Variants in TLE3 observed in about 807,000 individuals in gnomAD.
The protein encoded by TLE3 is transducin-like enhancer protein 3.
A neutral mutation model predicts 93.0 loss-of-function variants in TLE3; 14 were observed. The observed-to-expected ratio is 0.15, with a 90% CI of 0.10 to 0.24. TLE3 has a LOEUF of 0.24. Among genes scored for constraint, TLE3 ranks in the 10% least tolerant of loss-of-function variants. The pLI, the probability that TLE3 is intolerant of heterozygous loss-of-function variation, is 1.00. For synonymous variants in TLE3, 451 were observed against 425.0 expected (o/e 1.06, Z -0.75); for missense variants, 693 against 1,046.6 (o/e 0.66, Z 4.66).
intron 4 of TLE3, among the ~76,000 whole-genome samples, chr15:70,085,639 G>A (rs1327164836): frequency 1.3e-5 from 2 of 152,242 alleles, no homozygotes; most frequent in African/African-American, 2.4e-5. Context: ...TGCAGACCAG[G>A]CCTGTGGGTG....
intron 4 of TLE3, among the ~76,000 whole-genome samples, chr15:70,083,640 G>C (rs1435609240): frequency 6.8e-6 from 1 of 148,064 alleles, no homozygotes; most frequent in Non-Finnish European, 1.5e-5. Context: ...TCATCCCTGT[G>C]GGGTTGCCAT....
intron 8 of TLE3, chr15:70,060,866 TC>T (rs1378731992): frequency 6.3e-6 from 4 of 635,656 alleles, no homozygotes; most frequent in Non-Finnish European, 1.1e-5. Flanking sequence ...CCTGGGCGCA[TC>T]CCCAATTCTC....
At chr15:70,095,132 G>A (rs930996667) in intron 3 of TLE3, among the ~76,000 whole-genome samples, 2 of 152,304 alleles carry the variant, frequency 1.3e-5, no homozygotes, top group African/African-American at 4.8e-5. Flanking sequence ...TGGGGAAGGA[G>A]GGCTTCTGTC....
At chr15:70,091,564 G>A (rs2058309297) in intron 4 of TLE3, among the ~76,000 whole-genome samples, 1 of 152,196 alleles carries the variant, frequency 6.6e-6, no homozygotes, top group African/African-American at 2.4e-5. Context: ...CCAGGCCTGT[G>A]ATTCTGTAAT....
chr15:70,081,562 G>C (rs1191690152), intron 4 of TLE3, among the ~76,000 whole-genome samples: 1 of 152,236 alleles, frequency 6.6e-6, no homozygotes, highest in Non-Finnish European at 1.5e-5. Flanking sequence ...TGATTCAAAA[G>C]GGAAGACTGG....
chr15:70,072,683 G>A (rs79326655), intron 6 of TLE3, among the ~76,000 whole-genome samples: 1 of 152,164 alleles, frequency 6.6e-6, no homozygotes, highest in Non-Finnish European at 1.5e-5. Flanking sequence ...CAAGGGCATT[G>A]AGCTAGATCA....
Position 70,065,994 on chromosome 15 carries a change from CTG to C in TLE3, c.577+18_577+19del. 1.9e-6 allele frequency: 3 copies of C among 1,550,502 alleles called. No homozygotes were observed. Among genetic ancestry groups the C allele is most frequent in the Non-Finnish European group, 1.8e-6 (2 of 1,126,704 alleles). ...GCCCACCCCTGCCCCGCCCCACCCT[CTG>C]CCCCAGCCCAGCCGCACCTCTGTGA... On this transcript the variant is annotated intron_variant, in intron 7 of 19. Transcript: ENST00000451782.
chr15:70,053,157 C>A (rs746410082), intron 17 of TLE3, 70 bp downstream of exon 17: 19 of 1,533,148 alleles, frequency 1.2e-5, no homozygotes, highest in Non-Finnish European at 1.7e-5. Flanking sequence ...TGTCCCTGAC[C>A]CAGCCACTGG....
intron 5 of TLE3, among the ~76,000 whole-genome samples, chr15:70,075,176 T>G (rs1387394557): frequency 6.6e-6 from 1 of 152,202 alleles, no homozygotes; most frequent in African/African-American, 2.4e-5. Flanking sequence ...AGTGGTAAAA[T>G]GAACCCTAAT....
chr15:70,091,367 C>T (rs1378071361), intron 4 of TLE3, among the ~76,000 whole-genome samples: 1 of 152,236 alleles, frequency 6.6e-6, no homozygotes, highest in African/African-American at 2.4e-5. Context: ...GGCAATTGCT[C>T]TGGGGCCCCT....
At chr15:70,085,574 G>C (rs1186335806) in intron 4 of TLE3, among the ~76,000 whole-genome samples, 3 of 152,194 alleles carry the variant, frequency 2.0e-5, no homozygotes, top group African/African-American at 4.8e-5. Flanking sequence ...TAAAAGAATA[G>C]TGAGAAAACC....
intron 3 of TLE3, chr15:70,095,320 C>G (rs2058499782): frequency 7.2e-7 from 1 of 1,384,324 alleles, no homozygotes. Flanking sequence ...AAATTAAAGG[C>G]ACATAAAGAT....
Position 70,080,299 on chromosome 15 carries a change from G to A in TLE3, c.235-4141C>T, listed in dbSNP as rs528627371. Among the ~76,000 whole-genome samples the A allele has an allele frequency of 1.1e-4, 17 of 152,310 alleles. No homozygotes were observed. In the South Asian group the frequency reaches 3.1e-3, roughly 28 times the overall value. On this transcript the variant is annotated intron_variant, in intron 4 of 19. Coordinates refer to ENST00000451782, the MANE Select transcript of TLE3 (RefSeq NM_001105192.3). ...GCGAATCTGAGAGGTGGTGGGAGGT[G>A]GGAAGATGGCTCCCTTTGGAAAGCA...
intron 4 of TLE3, among the ~76,000 whole-genome samples, chr15:70,084,581 T>A (rs1026555889): frequency 6.6e-6 from 1 of 152,180 alleles, no homozygotes; most frequent in East Asian, 1.9e-4. Context: ...CATCTTGATA[T>A]AGCCTATGGA....
chr15:70,059,856 C>T (rs572060247), intron 9 of TLE3, among the ~76,000 whole-genome samples: 2 of 152,232 alleles, frequency 1.3e-5, no homozygotes, highest in African/African-American at 4.8e-5. Context: ...GTCATTCCCA[C>T]CCATCTGTGT....
Position 70,049,193 on chromosome 15 carries a change from C to T in TLE3, c.*904G>A, listed in dbSNP as rs946319807. 2 of 152,278 alleles carry T rather than the reference C, an allele frequency of 1.3e-5. No individual in the cohort carries two copies. The highest frequency in any genetic ancestry group is 6.5e-5 in the Admixed American group (1 of 15,286). The allele number at this position is 152,278 out of a possible 1,614,324, so 9.4% of individuals were successfully genotyped here. A position where few individuals can be genotyped will look rare whatever the true frequency, so the allele number is the denominator to read the frequency against. ...ACTAAGTGTGCACCAAAGAGAAAGA[C>T]CAGGCTGAGGAGGAGAGAGGGAGAG... On this transcript the variant is annotated 3_prime_UTR_variant, in exon 20 of 20. Coordinates refer to ENST00000451782, the MANE Select transcript of TLE3 (RefSeq NM_001105192.3).
chr15:70,058,231 G>T lies in TLE3; in HGVS notation c.979C>A (p.Pro327Thr). The T allele has an allele frequency of 1.2e-6, 2 of 1,613,740 alleles. No homozygotes were observed. Among genetic ancestry groups the T allele is most frequent in the Non-Finnish European group, 1.7e-6 (2 of 1,179,814 alleles). Residue 327 changes from proline to threonine, a missense_variant, in exon 12 of 20, where the codon CCA (proline) becomes ACA (threonine). By Grantham distance (38) the Pro-to-Thr change is conservative. Transcript: ENST00000451782. This position sits in a 1 kb window ranked among gnomAD's most constrained non-coding sequence, Gnocchi z 4.1. ...GGGGTCGTGCTGGTGCCTGGAGTTG[G>T]GGCGTCGTTCCTTGGGGTTGGTGTG... The part of the protein sequence containing the change: ...SNTPTPRNDA[P>T]TPGTSTTPGL...
In TLE3 at chr15:70,059,401, T is replaced by C. The variant is rs1331757808; in HGVS notation, c.765+9A>G. 4 of 1,608,648 alleles carry C rather than the reference T, an allele frequency of 2.5e-6. No homozygotes were observed. Among genetic ancestry groups the C allele is most frequent in the Non-Finnish European group, 3.4e-6 (4 of 1,177,560 alleles). Reference sequence around the variant, plus strand: ...CCAAGAGCCCCCTTGCGACCGGGCCTGCCCATACCTCATTGGAAACATCCA... The same window carrying C: ...CCAAGAGCCCCCTTGCGACCGGGCCCGCCCATACCTCATTGGAAACATCCA... On this transcript the variant is annotated intron_variant, in intron 10 of 19. Transcript: ENST00000451782.
chr15:70,074,679 TG>T (rs2057353844), intron 5 of TLE3, 72 bp from the exon 6 acceptor site: 2 of 1,339,224 alleles, frequency 1.5e-6, no homozygotes, highest in African/African-American at 2.9e-5. Flanking sequence ...TGTGCAGCAC[TG>T]GCAGGGCCTC....
Sources: gnomAD v4.1 joint callset for allele counts (sites outside exome capture counted in the v4.1 genomes callset) on GRCh38, gnomAD v4.1.1 for gene constraint, Gnocchi (gnomAD v3.1) non-coding constraint, MANE v1.5 for transcripts, NCBI Gene and HGNC (gene_info 2026-07-23, HGNC 2026-07-21) for gene names.